CHST9: variants seen among roughly 807,000 people sequenced by gnomAD.
CHST9 encodes carbohydrate sulfotransferase 9, also known as GalNAc-4-sulfotransferase 2.
CHST9 carries 41 observed loss-of-function variants against 44.4 expected under a neutral mutation model. The ratio of observed to expected loss-of-function variants is 0.92; its 90% CI spans 0.72 to 1.20. The LOEUF is 1.20. CHST9 is among the 50% of genes most tolerant of loss of function. The pLI, the probability that CHST9 is intolerant of heterozygous loss-of-function variation, is 0.00. For missense variants in CHST9, 504 were observed against 516.5 expected (o/e 0.98, Z 0.23); for synonymous variants, 171 against 178.4 (o/e 0.96, Z 0.33).
At chr18:26,948,145 G>A (rs532726381) in intron 4 of CHST9, among the ~76,000 whole-genome samples, 14 of 152,244 alleles carry the variant, frequency 9.2e-5, no homozygotes, top group Non-Finnish European at 1.5e-5. Context: ...ACTAACACAG[G>A]AACAGAAAAC....
chr18:27,153,855 C>T (rs1320754007), intron 1 of CHST9, among the ~76,000 whole-genome samples: 2 of 152,058 alleles, frequency 1.3e-5, no homozygotes, highest in Admixed American at 6.6e-5. Flanking sequence ...AGCTCAGAGC[C>T]TCAGTTGGAT....
intron 1 of CHST9, among the ~76,000 whole-genome samples, chr18:27,154,282 C>G (rs951530954): frequency 1.3e-5 from 2 of 151,938 alleles, no homozygotes; most frequent in African/African-American, 4.8e-5. Context: ...GATTATTTAA[C>G]TTAATTTTCA....
rs201493451 is a variant in CHST9 at position 26,916,772 on chromosome 18, G to A, written c.819C>T (p.Tyr273=). The change falls in exon 6 of 6, where the codon TAC becomes TAT. Residue 273 remains tyrosine (Y), a synonymous_variant. Transcript: ENST00000618847. ...LKGIYTRLNT[Y]TKAVFVRDPM... is the part of the protein sequence containing the mutation. Reference sequence around the variant, plus strand: ...GATCACGAACAAACACAGCTTTGGTGTAAGTATTTAAGCGGGTATATATCC... The same window carrying A: ...GATCACGAACAAACACAGCTTTGGTATAAGTATTTAAGCGGGTATATATCC... 108 of 1,613,868 alleles carry A rather than the reference G, an allele frequency of 6.7e-5. No individual in the cohort carries two copies. In the African/African-American group the frequency reaches 1.2e-3, roughly 18 times the overall value.
intron 2 of CHST9, among the ~76,000 whole-genome samples, chr18:27,064,805 C>T (rs1217153944): frequency 6.6e-6 from 1 of 152,108 alleles, no homozygotes; most frequent in African/African-American, 2.4e-5. Flanking sequence ...CTTCACCCTA[C>T]AATGCACACA....
chr18:27,145,572 C>T lies in CHST9; in HGVS notation c.-96-2667G>A, dbSNP rs116587877. Among the ~76,000 whole-genome samples, 1,117 of 152,300 alleles carry T rather than the reference C, an allele frequency of 7.3e-3. 16 individuals are homozygous for T. Among genetic ancestry groups the T allele is most frequent in the African/African-American group, 0.026 (1,076 of 41,560 alleles). ...GTCAGCGCTACCTAAGATGCTTTCT[C>T]AAATCCAGTTCTCTGAGTTCTCTGA... On this transcript the variant is annotated intron_variant, in intron 1 of 5. Transcript: ENST00000618847.
At chr18:27,081,010 T>C (rs139461858) in intron 2 of CHST9, among the ~76,000 whole-genome samples, 11 of 152,182 alleles carry the variant, frequency 7.2e-5, no homozygotes, top group African/African-American at 2.4e-4. Context: ...GTACAAGCCA[T>C]AGGGATGGCT....
intron 3 of CHST9, among the ~76,000 whole-genome samples, chr18:27,037,226 A>G (rs1231393776): frequency 4.6e-5 from 7 of 152,188 alleles, no homozygotes; most frequent in African/African-American, 1.7e-4. Context: ...TGCCATCTTC[A>G]TAGCCAAACC....
At chr18:27,024,087 G>A (rs1401814362) in intron 4 of CHST9, 29 bp downstream of exon 4, 1 of 1,605,550 alleles carries the variant, frequency 6.2e-7, no homozygotes, top group Non-Finnish European at 8.5e-7. Flanking sequence ...AACTACCCAA[G>A]ATTCAAACAT....
chr18:27,007,383 C>T (rs1428358363), intron 4 of CHST9, among the ~76,000 whole-genome samples: 1 of 152,140 alleles, frequency 6.6e-6, no homozygotes, highest in Non-Finnish European at 1.5e-5. Context: ...GGAGGTGACA[C>T]TTACTGAACT....
At position 26,917,329 on chromosome 18, in the gene CHST9, C is replaced by T. The variant is rs780998983; in HGVS notation, c.262G>A (p.Glu88Lys). 9.9e-6 allele frequency: 16 copies of T among 1,610,834 alleles called. No homozygotes were observed. The African/African-American group carries it at 2.0e-4, about 20-fold the overall frequency. The change falls in exon 6 of 6, where the codon GAG (glutamate) becomes AAG (lysine). Residue 88 changes from glutamate to lysine, a missense_variant. Coordinates refer to ENST00000618847, the MANE Select transcript of CHST9 (RefSeq NM_031422.6). The stretch of plus-strand genomic sequence containing the variant: ...TTTTCCTTTTTTTCTCGTACATCCT[C>T]AGGCATGTGAAACTTGGGGTTCTGT... ...TNQNPKFHMP[E>K]DVREKKENLL...
At chr18:26,943,882 A>G (rs939807041) in intron 5 of CHST9, among the ~76,000 whole-genome samples, 14 of 152,224 alleles carry the variant, frequency 9.2e-5, no homozygotes, top group Admixed American at 2.6e-4. Context: ...TGGAAGATCA[A>G]CTTGTGGTAT....
intron 4 of CHST9, among the ~76,000 whole-genome samples, chr18:26,957,580 AAT>A (rs2056342414): frequency 6.6e-6 from 1 of 151,930 alleles, no homozygotes; most frequent in African/African-American, 2.4e-5. Flanking sequence ...AAAAAAAAAA[AAT>A]AGCCAAGCAT....
At chr18:26,975,725 GTATATATATATATATATATATATATATA>G (rs59671204) in intron 4 of CHST9, among the ~76,000 whole-genome samples, 8 of 101,840 alleles carry the variant, frequency 7.9e-5, no homozygotes, top group African/African-American at 1.8e-4. Flanking sequence ...GTGTGTGTGT[GTATATATATATATATATATATATATATA>G]TATATATATA....
intron 4 of CHST9, among the ~76,000 whole-genome samples, chr18:26,953,415 T>C (rs1313768563): frequency 1.3e-5 from 2 of 152,156 alleles, no homozygotes; most frequent in African/African-American, 4.8e-5. Flanking sequence ...GGGGCAATTA[T>C]GGTTTTTTCA....
Position 26,914,811 on chromosome 18 carries a change from G to T in CHST9, c.*1448C>A. ...CTACTGTTCTTTGAAAGCCATTACT[G>T]AATATTTACTGATAAGAAAAAAATG... On this transcript the variant is annotated 3_prime_UTR_variant, in exon 6 of 6. Coordinates refer to ENST00000618847, the MANE Select transcript of CHST9 (RefSeq NM_031422.6). 1 of 396,282 alleles carries T rather than the reference G, an allele frequency of 2.5e-6. No individual in the cohort carries two copies. The highest frequency in any genetic ancestry group is 1.3e-4 in the South Asian group (1 of 7,566). The allele number at this position is 396,282 out of a possible 1,614,324, so 24.5% of individuals were successfully genotyped here. A position where few individuals can be genotyped will look rare whatever the true frequency, so the allele number is the denominator to read the frequency against.
At chr18:27,052,189 T>C (rs1955967657) in intron 2 of CHST9, among the ~76,000 whole-genome samples, 1 of 152,064 alleles carries the variant, frequency 6.6e-6, no homozygotes, top group Non-Finnish European at 1.5e-5. Flanking sequence ...GAATTAGTCC[T>C]GTTACAGGAA....
chr18:27,075,716 T>C (rs1171302068), intron 2 of CHST9, among the ~76,000 whole-genome samples: 1 of 148,698 alleles, frequency 6.7e-6, no homozygotes, highest in Admixed American at 6.7e-5. Context: ...CAAAACTTCT[T>C]ACATCTCCTA....
At chr18:26,935,462 T>A (rs982488674) in intron 5 of CHST9, 2 of 152,214 alleles carry the variant, frequency 1.3e-5, no homozygotes, top group East Asian at 3.8e-4. Context: ...AGAATTAATT[T>A]CATTTGTTTA....
At chr18:27,105,366 A>G (rs1461363687) in intron 2 of CHST9, among the ~76,000 whole-genome samples, 1 of 152,154 alleles carries the variant, frequency 6.6e-6, no homozygotes, top group Non-Finnish European at 1.5e-5. Context: ...CTTCTCCCTA[A>G]GAAGACTTCT....
Sources: allele counts gnomAD v4.1 joint callset (sites outside exome capture counted in the v4.1 genomes callset), GRCh38; gene constraint gnomAD v4.1.1; transcripts MANE v1.5; gene names NCBI Gene and HGNC (gene_info 2026-07-23, HGNC 2026-07-21).